SMYD1: variants seen among roughly 807,000 people sequenced by gnomAD.
SMYD1 encodes the protein histone-lysine N-methyltransferase SMYD1.
Under a neutral mutation model 54.0 loss-of-function variants are expected in SMYD1, and 49 were observed. The ratio of observed to expected loss-of-function variants is 0.91; its 90% CI spans 0.72 to 1.15. The LOEUF (loss-of-function observed/expected upper bound fraction) is 1.15. Among genes scored for constraint, SMYD1 ranks in the 50% most tolerant of loss-of-function variants. SMYD1 has a pLI of 0.00. For synonymous variants in SMYD1, 269 were observed against 234.2 expected (o/e 1.15, Z -1.36); for missense variants, 653 against 639.6 (o/e 1.02, Z -0.23).
At position 88,111,552 on chromosome 2, in the gene SMYD1, A is replaced by G. The variant is rs1675022268; in HGVS notation, c.*1040A>G. The G allele has an allele frequency of 6.5e-6, 1 of 154,232 alleles. No individual in the cohort carries two copies. Among genetic ancestry groups the G allele is most frequent in the East Asian group, 1.9e-4 (1 of 5,270 alleles). The allele number at this position is 154,232 out of a possible 1,614,324, so 9.6% of individuals were successfully genotyped here. A position where few individuals can be genotyped will look rare whatever the true frequency, so the allele number is the denominator to read the frequency against. On this transcript the variant is annotated 3_prime_UTR_variant, in exon 10 of 10. Coordinates refer to ENST00000419482, the MANE Select transcript of SMYD1 (RefSeq NM_198274.4). ...GCTCCATTCTCAATACTGAATAATT[A>G]TTACTTCCCTTGTTGAGTTTCTTTT...
At chr2:88,108,257 G>C (rs1674928336) in intron 8 of SMYD1, 114 bp from the exon 9 acceptor site, 30 of 1,073,022 alleles carry the variant, frequency 2.8e-5, no homozygotes, top group Non-Finnish European at 3.8e-5. Flanking sequence ...GCCTTGCAGT[G>C]CTGAGGGGAA....
rs770023523 is a variant in SMYD1, at chr2:88,084,404, C to T, written c.226C>T (p.Arg76Cys). The T allele has an allele frequency of 2.4e-5, 39 of 1,608,596 alleles. No homozygotes were observed. The highest frequency in any genetic ancestry group is 2.1e-4 in the African/African-American group (16 of 74,866). Residue 76 changes from arginine to cysteine, a missense_variant, in exon 2 of 10, where the codon CGC becomes TGC. Arg to Cys is a radical substitution (Grantham distance 180). Coordinates refer to ENST00000419482, the MANE Select transcript of SMYD1 (RefSeq NM_198274.4). ...GQCKFAHYCD[R>C]TCQKDAWLNH... is the part of the protein sequence containing the mutation. ...GTGCAAGTTTGCCCATTACTGCGAC[C>T]GCACCTGCCAGAAGGATGCTTGGCT...
At chr2:88,109,167 A>G (rs963167582) in intron 9 of SMYD1, among the ~76,000 whole-genome samples, 7 of 152,204 alleles carry the variant, frequency 4.6e-5, no homozygotes, top group Admixed American at 4.6e-4. Context: ...ATAGTCACAT[A>G]GCGAGCTAAT....
chr2:88,085,786 C>T (rs1189729508), intron 2 of SMYD1, among the ~76,000 whole-genome samples: 1 of 152,196 alleles, frequency 6.6e-6, no homozygotes, highest in Non-Finnish European at 1.5e-5. Context: ...TGTGAAGACA[C>T]CTCAGTTTCC....
intron 2 of SMYD1, among the ~76,000 whole-genome samples, chr2:88,087,123 T>C (rs919363027): frequency 2.1e-5 from 3 of 146,178 alleles, no homozygotes; most frequent in African/African-American, 7.5e-5. Context: ...TCACACACAA[T>C]GCAGACACCT....
In SMYD1 at chr2:88,112,510, G is replaced by T; in HGVS notation, c.*1998G>T. On this transcript the variant is annotated 3_prime_UTR_variant, in exon 10 of 10. Transcript: ENST00000419482. Reference sequence around the variant, plus strand: ...GATCCTTGACATTTGTCACCCCACTGGCCTTCTCAGGTGCAATCAGTAAAA... The same window carrying T: ...GATCCTTGACATTTGTCACCCCACTTGCCTTCTCAGGTGCAATCAGTAAAA... 4.2e-6 allele frequency: 1 copy of T among 237,070 alleles called. No homozygotes were observed. The allele number at this position is 237,070 out of a possible 1,614,324, so 14.7% of individuals were successfully genotyped here.
At chr2:88,090,017 G>A (rs932194794) in intron 3 of SMYD1, among the ~76,000 whole-genome samples, 1 of 152,218 alleles carries the variant, frequency 6.6e-6, no homozygotes, top group Non-Finnish European at 1.5e-5. Flanking sequence ...AAAGGTTAGA[G>A]CTGAAAAGAT....
chr2:88,112,072 G>T lies in SMYD1; in HGVS notation c.*1560G>T, dbSNP rs1027846340. 2.8e-6 allele frequency: 2 copies of T among 703,026 alleles called. No individual in the cohort carries two copies. Among genetic ancestry groups the T allele is most frequent in the African/African-American group, 1.7e-5 (1 of 57,240 alleles). The allele number at this position is 703,026 out of a possible 1,614,324, so 43.5% of individuals were successfully genotyped here. On this transcript the variant is annotated 3_prime_UTR_variant, in exon 10 of 10. Transcript: ENST00000419482. ...CAAAATACTTGTATCTGACACTTAG[G>T]TCTTGTTTGAAGAATTTCCTTTCTG...
chr2:88,102,648 TG>T (rs1187524208), intron 6 of SMYD1, among the ~76,000 whole-genome samples: 28 of 152,278 alleles, frequency 1.8e-4, no homozygotes, highest in East Asian at 7.7e-4. Context: ...ATGACTTGGA[TG>T]AAAACAAAAA....
At position 88,108,515 on chromosome 2, in the gene SMYD1, C is replaced by G; in HGVS notation, c.1290C>G (p.Ser430=). Residue 430 remains serine (S), a synonymous_variant, in exon 9 of 10, where the codon TCC becomes TCG. Transcript: ENST00000419482. ...YAILLVTHGP[S]HPITKDLEAM... ...TTCTCCTGGTGACACACGGACCCTC[C>G]CACCCCATCACTAAGGACTTAGAGG... The G allele has an allele frequency of 6.2e-7, 1 of 1,601,758 alleles. No individual in the cohort carries two copies. Among genetic ancestry groups the G allele is most frequent in the Non-Finnish European group, 8.5e-7 (1 of 1,174,456 alleles).
At chr2:88,081,780 G>T (rs915233596) in intron 1 of SMYD1, among the ~76,000 whole-genome samples, 11 of 152,130 alleles carry the variant, frequency 7.2e-5, no homozygotes, top group African/African-American at 2.7e-4. Context: ...AGAAACTAAT[G>T]GAAGCATAAT....
At chr2:88,081,479 C>G (rs970691272) in intron 1 of SMYD1, among the ~76,000 whole-genome samples, 2 of 151,354 alleles carry the variant, frequency 1.3e-5, no homozygotes, top group African/African-American at 4.9e-5. Flanking sequence ...ATCTGTCACC[C>G]AGGCTGGATT....
rs1387564970 is a variant in SMYD1 at position 88,111,172 on chromosome 2, G to A, written c.*660G>A. On this transcript the variant is annotated 3_prime_UTR_variant, in exon 10 of 10. Transcript: ENST00000419482. ...AATGGTGCATATGTCGAAAGAGCTG[G>A]CTGGGGGCCTTGCCCAAACCAACTG... is the stretch of plus-strand genomic sequence containing the variant. 6.6e-6 allele frequency: 1 copy of A among 152,234 alleles called. No homozygotes were observed. The allele number at this position is 152,234 out of a possible 1,614,324, so 9.4% of individuals were successfully genotyped here.
chr2:88,080,488 G>T (rs755159582), intron 1 of SMYD1, among the ~76,000 whole-genome samples: 1 of 152,196 alleles, frequency 6.6e-6, no homozygotes, highest in Non-Finnish European at 1.5e-5. Flanking sequence ...CTGGTGTGGG[G>T]TTGCTCTCTG....
At chr2:88,092,947 A>G (rs534330704) in intron 4 of SMYD1, among the ~76,000 whole-genome samples, 2 of 152,306 alleles carry the variant, frequency 1.3e-5, no homozygotes, top group Admixed American at 1.3e-4. Context: ...CATTTTATCC[A>G]GGCTTCTTGG....
chr2:88,093,516 G>A lies in SMYD1; in HGVS notation c.660-1G>A. The A allele has an allele frequency of 6.2e-7, 1 of 1,614,116 alleles. No homozygotes were observed. On this transcript the variant is annotated splice_acceptor_variant, in intron 4 of 9. Coordinates refer to ENST00000419482, the MANE Select transcript of SMYD1 (RefSeq NM_198274.4). LOFTEE classifies it high-confidence loss of function. ...ATATGGGTGTCTGTTTTGTCTTTCA[G>A]TCATGAGGCAGTGAAATCCATGTTT... is the stretch of plus-strand genomic sequence containing the variant.
At chr2:88,083,013 G>A (rs1320335043) in intron 1 of SMYD1, 1 of 152,162 alleles carries the variant, frequency 6.6e-6, no homozygotes, top group Non-Finnish European at 1.5e-5. Flanking sequence ...AGACACAAAG[G>A]ATTTCTGTGC....
intron 6 of SMYD1, among the ~76,000 whole-genome samples, chr2:88,098,055 T>C (rs1674633985): frequency 6.6e-6 from 1 of 152,188 alleles, no homozygotes; most frequent in Non-Finnish European, 1.5e-5. Flanking sequence ...CACTGCATCA[T>C]GGGCGCTACA....
intron 6 of SMYD1, among the ~76,000 whole-genome samples, 176 bp from the exon 7 acceptor site, chr2:88,102,882 G>A (rs1251634512): frequency 6.6e-6 from 1 of 152,180 alleles, no homozygotes; most frequent in Non-Finnish European, 1.5e-5. Flanking sequence ...TCAGAAATAT[G>A]ATGAGGGAAC....
Sources: gnomAD v4.1 joint callset for allele counts (sites outside exome capture counted in the v4.1 genomes callset) on GRCh38, gnomAD v4.1.1 for gene constraint, MANE v1.5 for transcripts, NCBI Gene and HGNC (gene_info 2026-07-23, HGNC 2026-07-21) for gene names.